The following MYO3A variants were observed in gnomAD, a reference collection of about 807,000 sequenced individuals.
The protein encoded by MYO3A is myosin IIIA, also known as myosin-IIIa.
In MYO3A, 180 loss-of-function variants were observed where a neutral mutation model predicts 192.7. That is an observed-to-expected ratio of 0.93 (90% CI 0.83 to 1.06). The LOEUF is 1.06. MYO3A is among the 50% of genes least tolerant of loss of function. The pLI is 0.00. For missense variants in MYO3A, 1,896 were observed against 1,905.0 expected (o/e 1.00, Z 0.09); for synonymous variants, 628 against 645.3 (o/e 0.97, Z 0.41).
At chr10:26,083,620 G>C (rs1466634454) in intron 14 of MYO3A, among the ~76,000 whole-genome samples, 2 of 152,134 alleles carry the variant, frequency 1.3e-5, no homozygotes, top group Non-Finnish European at 2.9e-5. Context: ...TATAATGTTA[G>C]CTGTGAATTT....
At chr10:25,993,569 T>G (rs1342380732) in intron 4 of MYO3A, among the ~76,000 whole-genome samples, 1 of 152,186 alleles carries the variant, frequency 6.6e-6, no homozygotes, top group Non-Finnish European at 1.5e-5. Flanking sequence ...TGAATGTGTT[T>G]GCTCTTGCTT....
At chr10:26,130,859 T>C (rs1170917009) in intron 20 of MYO3A, among the ~76,000 whole-genome samples, 1 of 152,244 alleles carries the variant, frequency 6.6e-6, no homozygotes, top group Non-Finnish European at 1.5e-5. Flanking sequence ...ACTAATTGTA[T>C]GTAGCTATCA....
chr10:26,077,239 T>TTTTTTTTTTGTTTG (rs1835642902), intron 14 of MYO3A, among the ~76,000 whole-genome samples: 2 of 139,206 alleles, frequency 1.4e-5, no homozygotes, highest in African/African-American at 2.8e-5. Flanking sequence ...TAAGGTTTTT[T>TTTTTTTTTTGTTTG]TTTTTTTTTT....
rs918987227 is a variant in MYO3A at position 26,212,501 on chromosome 10, G to A, written c.*538G>A. On this transcript the variant is annotated 3_prime_UTR_variant, in exon 35 of 35. Transcript: ENST00000642920. ...TCTTTCTCTTCCTTTGGTTATTAAG[G>A]TCACTAAATAAAGGAAGTGCCTTGG... 3.0e-4 allele frequency: 49 copies of A among 162,100 alleles called. No individual in the cohort carries two copies. The highest frequency in any genetic ancestry group is 1.1e-3 in the African/African-American group (47 of 41,974). 10.0% of individuals were successfully genotyped at this position (162,100 alleles called of 1,614,324 possible).
At chr10:26,043,543 C>A (rs1290740498) in intron 10 of MYO3A, among the ~76,000 whole-genome samples, 2 of 151,982 alleles carry the variant, frequency 1.3e-5, no homozygotes, top group African/African-American at 4.8e-5. Flanking sequence ...ACAGTCTTTC[C>A]CACTCTTACC....
At chr10:26,154,076 A>G (rs956423178) in intron 24 of MYO3A, 147 bp downstream of exon 24, 2 of 671,246 alleles carry the variant, frequency 3.0e-6, no homozygotes, top group African/African-American at 3.6e-5. Flanking sequence ...TATTTATGTT[A>G]TGTTCTTGTT....
At chr10:26,042,464 T>C (rs1843404936) in intron 10 of MYO3A, among the ~76,000 whole-genome samples, 1 of 152,192 alleles carries the variant, frequency 6.6e-6, no homozygotes, top group South Asian at 2.1e-4. Context: ...TTTGGGGGTA[T>C]TTTTAGATCC....
intron 14 of MYO3A, 115 bp from the exon 15 acceptor site, chr10:26,088,076 CAATATATCAGGA>C (rs1468607186): frequency 2.6e-5 from 19 of 742,008 alleles, no homozygotes; most frequent in Non-Finnish European, 4.1e-5. Context: ...TAACATCTGC[CAATATATCAGGA>C]ACATGCTTTT....
intron 10 of MYO3A, among the ~76,000 whole-genome samples, chr10:26,057,325 A>G (rs12784717): frequency 0.47 from 71,923 of 152,054 alleles, 17,866 homozygotes; most frequent in Middle Eastern, 0.59. Flanking sequence ...TGATAGGATG[A>G]TAGAGCAAGT....
intron 4 of MYO3A, among the ~76,000 whole-genome samples, chr10:25,968,017 A>T (rs1838369405): frequency 6.6e-6 from 1 of 152,174 alleles, no homozygotes; most frequent in Admixed American, 6.5e-5. Context: ...GGTGGAGGAT[A>T]TCATTTAAAT....
rs2131522132 is a variant in MYO3A at position 26,090,244 on chromosome 10, G to T, written c.1562+1839G>T. 2.0e-5 allele frequency among the ~76,000 whole-genome samples: 3 copies of T among 152,308 alleles called. No individual in the cohort carries two copies. The East Asian group carries it at 5.8e-4, about 29-fold the overall frequency. ...GATATAATTCACGGTGTATTCTATG[G>T]AGTTGAGTGCAGGAACTCAGTTCAT... is the stretch of plus-strand genomic sequence containing the variant. On this transcript the variant is annotated intron_variant, in intron 15 of 34. Transcript: ENST00000642920.
intron 9 of MYO3A, 86 bp downstream of exon 9, chr10:26,024,173 C>T (rs998003402): frequency 6.4e-6 from 8 of 1,259,778 alleles, no homozygotes; most frequent in Non-Finnish European, 9.2e-6. Flanking sequence ...ATCTGTTAAA[C>T]AGCCCCAGAG....
chr10:26,061,150 C>T (rs1325239713), intron 10 of MYO3A, among the ~76,000 whole-genome samples: 10 of 151,966 alleles, frequency 6.6e-5, no homozygotes, highest in African/African-American at 1.9e-4. Flanking sequence ...AGGATGGTCT[C>T]GATCTCCTGA....
chr10:26,097,184 G>C (rs543559468), intron 17 of MYO3A, among the ~76,000 whole-genome samples: 2 of 151,962 alleles, frequency 1.3e-5, no homozygotes, highest in East Asian at 3.9e-4. Flanking sequence ...GTAGCAATTA[G>C]CATATTTCTG....
At chr10:26,178,571 A>G (rs1842448782) in intron 31 of MYO3A, among the ~76,000 whole-genome samples, 1 of 150,964 alleles carries the variant, frequency 6.6e-6, no homozygotes, top group East Asian at 2.0e-4. Context: ...AAAAAGCAAA[A>G]AGAAGAAAAA....
At chr10:26,090,200 A>G (rs74947462) in intron 15 of MYO3A, among the ~76,000 whole-genome samples, 2,674 of 152,366 alleles carry the variant, frequency 0.018, 36 homozygotes, top group Admixed American at 0.024. Flanking sequence ...TGGCACCACC[A>G]TGTTGCACAA....
intron 6 of MYO3A, among the ~76,000 whole-genome samples, chr10:26,015,679 A>G (rs1394044329): frequency 2.6e-5 from 4 of 152,162 alleles, no homozygotes; most frequent in Non-Finnish European, 5.9e-5. Flanking sequence ...ATAGCACTCA[A>G]AAAACATGAA....
intron 6 of MYO3A, among the ~76,000 whole-genome samples, chr10:26,009,297 C>A (rs1019130201): frequency 2.0e-5 from 3 of 152,096 alleles, no homozygotes; most frequent in Non-Finnish European, 4.4e-5. Context: ...TTAATGGGTG[C>A]AGCACACCAG....
At chr10:26,102,695 A>AGAATATTT (rs1837539336) in intron 17 of MYO3A, among the ~76,000 whole-genome samples, 1 of 152,224 alleles carries the variant, frequency 6.6e-6, no homozygotes, top group African/African-American at 2.4e-5. Context: ...GGGTATCACC[A>AGAATATTT]GCGGAGGCTG....
Sources: gnomAD v4.1 joint callset for allele counts (sites outside exome capture counted in the v4.1 genomes callset) on GRCh38, gnomAD v4.1.1 for gene constraint, MANE v1.5 for transcripts, NCBI Gene and HGNC (gene_info 2026-07-23, HGNC 2026-07-21) for gene names.